The following INTS1 variants were observed in gnomAD, a reference collection of about 807,000 sequenced individuals.
INTS1 encodes the protein integrator complex subunit 1.
Under a neutral mutation model 241.6 loss-of-function variants are expected in INTS1, and 137 were observed. The ratio of observed to expected loss-of-function variants is 0.57; its 90% CI spans 0.49 to 0.65. The LOEUF is 0.65. INTS1 is among the 30% of genes least tolerant of loss of function. The pLI is 0.00. For missense variants in INTS1, 3,073 were observed against 3,032.2 expected (o/e 1.01, Z -0.32); for synonymous variants, 1,692 against 1,337.8 (o/e 1.26, Z -5.78).
chr7:1,473,609 G>A lies in INTS1; in HGVS notation c.5914C>T (p.Pro1972Ser). 1 of 1,611,440 alleles carries A rather than the reference G, an allele frequency of 6.2e-7. No homozygotes were observed. The highest frequency in any genetic ancestry group is 8.5e-7 in the Non-Finnish European group (1 of 1,178,998). ...FIHKYITYNA[P>S]AAISFLQKHA... ...TTCTGCAGGAAGGAGATGGCTGCTG[G>A]GGCATTGTAGGTAATGTACTTATGG... Residue 1972 changes from proline (P) to serine (S), a missense_variant, in exon 42 of 48, where the codon CCA (proline) becomes TCA (serine). Transcript: ENST00000404767.
intron 33 of INTS1, among the ~76,000 whole-genome samples, 198 bp from the exon 34 acceptor site, chr7:1,478,134 C>CGGGGCT (rs1223503392): frequency 6.6e-6 from 1 of 151,994 alleles, no homozygotes; most frequent in Non-Finnish European, 1.5e-5. Flanking sequence ...CGGCCGGGGC[C>CGGGGCT]GGGGCTCACT....
At chr7:1,504,079 G>T in intron 1 of INTS1, 78 bp from the exon 2 acceptor site, 1 of 780,206 alleles carries the variant, frequency 1.3e-6, no homozygotes, top group Non-Finnish European at 2.0e-6. Context: ...TGCCGCACGG[G>T]GCTTGGGCCT....
chr7:1,470,828 C>CGG lies in INTS1; in HGVS notation c.6457+16_6457+17dup. 1 of 1,557,886 alleles carries CGG rather than the reference C, an allele frequency of 6.4e-7. No individual in the cohort carries two copies. The highest frequency in any genetic ancestry group is 8.7e-7 in the Non-Finnish European group (1 of 1,149,338). On this transcript the variant is annotated intron_variant, in intron 47 of 47. Coordinates refer to ENST00000404767, the MANE Select transcript of INTS1 (RefSeq NM_001080453.3). ...CCCCGAGGGCTGCCAGGGCCCTGGG[C>CGG]GGGGGGCCAGTCCTCACCTTGGCAC...
At chr7:1,483,914 G>T in intron 25 of INTS1, 61 bp from the exon 26 acceptor site, 1 of 1,587,254 alleles carries the variant, frequency 6.3e-7, no homozygotes. Flanking sequence ...AGCGCCGAGG[G>T]TACCCAGCTG....
At chr7:1,488,779 G>A (rs1183815941) in intron 18 of INTS1, among the ~76,000 whole-genome samples, 1 of 152,138 alleles carries the variant, frequency 6.6e-6, no homozygotes, top group East Asian at 1.9e-4. Context: ...ATCGGCCCTC[G>A]CCCACACTGT....
intron 31 of INTS1, 51 bp downstream of exon 31, chr7:1,479,379 G>A (rs905160529): frequency 3.9e-6 from 6 of 1,532,974 alleles, no homozygotes; most frequent in Non-Finnish European, 5.3e-6. Flanking sequence ...TCCTGCGGGA[G>A]GCAGAGCCCT....
rs769050666 is a variant in INTS1 at position 1,499,466 on chromosome 7, G to A, written c.844+7C>T. On this transcript the variant is annotated splice_region_variant and intron_variant, in intron 6 of 47. Transcript: ENST00000404767. ...ACCCGCCCTCTCTGGCTGGCCGTGT[G>A]TCTCACCTGCACCCAGGTCGCCCGC... 1 of 1,591,736 alleles carries A rather than the reference G, an allele frequency of 6.3e-7. No individual in the cohort carries two copies. The highest frequency in any genetic ancestry group is 1.7e-5 in the Admixed American group (1 of 58,086).
Position 1,496,235 on chromosome 7 carries a change from G to T in INTS1, c.1632C>A (p.Val544=). The stretch of plus-strand genomic sequence containing the variant: ...TGCCCAGCATCATGGACACGGCCAG[G>T]ACGTCGGTGATGTGCACCACGAAGC... ...KERFVVHITD[V]LAVSMMLGIT... Residue 544 remains valine, a synonymous_variant, in exon 12 of 48, where the codon GTC becomes GTA. Transcript: ENST00000404767. 6.2e-7 allele frequency: 1 copy of T among 1,613,784 alleles called. No homozygotes were observed. The highest frequency in any genetic ancestry group is 8.5e-7 in the Non-Finnish European group (1 of 1,179,816).
rs977980649 is a variant in INTS1 at position 1,496,244 on chromosome 7, G to A, written c.1623C>T (p.Ile541=). Residue 541 remains isoleucine (I), a synonymous_variant, in exon 12 of 48, where the codon ATC becomes ATT. Coordinates refer to ENST00000404767, the MANE Select transcript of INTS1 (RefSeq NM_001080453.3). ...MEFKERFVVH[I]TDVLAVSMML... ...TCATGGACACGGCCAGGACGTCGGT[G>A]ATGTGCACCACGAAGCGCTCCTGCA... 2 of 1,613,640 alleles carry A rather than the reference G, an allele frequency of 1.2e-6. No homozygotes were observed. Among genetic ancestry groups the A allele is most frequent in the African/African-American group, 2.7e-5 (2 of 74,938 alleles).
intron 3 of INTS1, among the ~76,000 whole-genome samples, chr7:1,502,634 C>T (rs1287793164): frequency 1.3e-5 from 2 of 152,156 alleles, no homozygotes; most frequent in African/African-American, 2.4e-5. Flanking sequence ...ACAAAGGGGG[C>T]GTCCAACAGA....
Position 1,474,744 on chromosome 7 carries a change from C to T in INTS1, c.5597G>A (p.Cys1866Tyr), listed in dbSNP as rs1781632058. ...CGGGTGCGCCACCGCCAGCTTCCGGCAGGCCATGCTGGCATCCGCCCCTCG... is the reference window on the plus strand; with the variant it reads ...CGGGTGCGCCACCGCCAGCTTCCGGTAGGCCATGCTGGCATCCGCCCCTCG... Reference protein sequence around the residue: ...ENRGADASMACRKLAVAHPLL... With the variant: ...ENRGADASMAYRKLAVAHPLL... The change falls in exon 40 of 48, where the codon TGC becomes TAC. Residue 1866 changes from cysteine (C) to tyrosine (Y), a missense_variant. Physicochemically the swap from Cys to Tyr is radical, Grantham distance 194. Coordinates refer to ENST00000404767, the MANE Select transcript of INTS1 (RefSeq NM_001080453.3). 2 of 1,564,986 alleles carry T rather than the reference C, an allele frequency of 1.3e-6. No homozygotes were observed. The highest frequency in any genetic ancestry group is 1.4e-5 in the African/African-American group (1 of 73,890).
At position 1,498,318 on chromosome 7, in the gene INTS1, G is replaced by A. The variant is rs1562519379; in HGVS notation, c.1425+94C>T. On this transcript the variant is annotated intron_variant, in intron 10 of 47. Coordinates refer to ENST00000404767, the MANE Select transcript of INTS1 (RefSeq NM_001080453.3). ...GAGGAGCATTCTCCCACGAAGCACT[G>A]CCAATCCACCGGCCTCCCCAGACGC... is the stretch of plus-strand genomic sequence containing the variant. The A allele has an allele frequency of 2.6e-6, 4 of 1,532,388 alleles. No individual in the cohort carries two copies. In the Admixed American group the frequency reaches 5.8e-5, roughly 22 times the overall value. The allele number at this position is 1,532,388 out of a possible 1,614,324, so 94.9% of individuals were successfully genotyped here. A position where few individuals can be genotyped will look rare whatever the true frequency, so the allele number is the denominator to read the frequency against.
chr7:1,478,013 GGTGGGGT>G, intron 33 of INTS1, 77 bp from the exon 34 acceptor site: 1 of 1,225,208 alleles, frequency 8.2e-7, no homozygotes, highest in Non-Finnish European at 1.2e-6. Context: ...GGCTAGCCAG[GGTGGGGT>G]GTGGGGTGAG....
At chr7:1,479,285 G>A (rs1562492253) in intron 31 of INTS1, 145 bp downstream of exon 31, 14 of 1,016,786 alleles carry the variant, frequency 1.4e-5, no homozygotes, top group Non-Finnish European at 1.9e-5. Flanking sequence ...GGGACCTGCC[G>A]CCACTCCCTG....
At position 1,502,905 on chromosome 7, in the gene INTS1, A is replaced by G. The variant is rs754103338; in HGVS notation, c.345T>C (p.Ile115=). 2 of 1,613,590 alleles carry G rather than the reference A, an allele frequency of 1.2e-6. No homozygotes were observed. The highest frequency in any genetic ancestry group is 1.7e-6 in the Non-Finnish European group (2 of 1,179,810). The change falls in exon 3 of 48, where the codon ATT becomes ATC. Residue 115 remains isoleucine (I), a synonymous_variant. Coordinates refer to ENST00000404767, the MANE Select transcript of INTS1 (RefSeq NM_001080453.3). ...PSIKEPSVVP[I]EVLPTVLLDE... ...GGATGTCCACAGACTCATTACCTTC[A>G]ATTGGCACCACAGATGGCTCTTTAA...
At chr7:1,503,362 G>A (rs528791771) in intron 2 of INTS1, among the ~76,000 whole-genome samples, 171 bp from the exon 3 acceptor site, 41 of 152,324 alleles carry the variant, frequency 2.7e-4, no homozygotes, top group African/African-American at 9.9e-4. Flanking sequence ...AGCAGGATAC[G>A]CACAGGTGAT....
intron 16 of INTS1, among the ~76,000 whole-genome samples, chr7:1,491,682 C>T (rs1055747579): frequency 1.3e-5 from 2 of 152,232 alleles, no homozygotes; most frequent in African/African-American, 4.8e-5. Flanking sequence ...AGGAGGACTG[C>T]TTGAGCCCAG....
rs929515936 is a variant in INTS1 at position 1,478,293 on chromosome 7, C to T, written c.4630+73G>A. 4 of 1,523,430 alleles carry T rather than the reference C, an allele frequency of 2.6e-6. No individual in the cohort carries two copies. In the South Asian group the frequency reaches 4.7e-5, roughly 18 times the overall value. 94.4% of individuals were successfully genotyped at this position (1,523,430 alleles called of 1,614,324 possible). The stretch of plus-strand genomic sequence containing the variant: ...CAGACACTGTCCGTCCCCCACTGGG[C>T]AGCTAGAAGGAGCCTCAGGTTTGGG... On this transcript the variant is annotated intron_variant, in intron 33 of 47. Coordinates refer to ENST00000404767, the MANE Select transcript of INTS1 (RefSeq NM_001080453.3).
Position 1,473,683 on chromosome 7 carries a change from T to G in INTS1, c.5840A>C (p.Lys1947Thr). The G allele has an allele frequency of 1.9e-6, 3 of 1,613,052 alleles. No individual in the cohort carries two copies. The highest frequency in any genetic ancestry group is 2.5e-6 in the Non-Finnish European group (3 of 1,179,748). Residue 1947 changes from lysine (K) to threonine (T), a missense_variant, in exon 42 of 48, where the codon AAG becomes ACG. Lys to Thr is a moderately conservative substitution (Grantham distance 78). Coordinates refer to ENST00000404767, the MANE Select transcript of INTS1 (RefSeq NM_001080453.3). ...SFIRLLLNYR[K>T]SSRHLAAFIN... ...GAAGGCAGCCAGATGGCGGGAGGACTTCCTGTAATTCTGCAAAGCAAAAGC... is the reference window on the plus strand; with the variant it reads ...GAAGGCAGCCAGATGGCGGGAGGACGTCCTGTAATTCTGCAAAGCAAAAGC...
Sources: allele counts gnomAD v4.1 joint callset (sites outside exome capture counted in the v4.1 genomes callset), GRCh38; gene constraint gnomAD v4.1.1; transcripts MANE v1.5; gene names NCBI Gene and HGNC (gene_info 2026-07-23, HGNC 2026-07-21).